The following NELL1 variants were observed in gnomAD, a reference collection of about 807,000 sequenced individuals.
NELL1 encodes the protein protein kinase C-binding protein NELL1.
In NELL1, 76 loss-of-function variants were observed where a neutral mutation model predicts 107.4. The observed-to-expected ratio is 0.71, with a 90% CI of 0.59 to 0.86. The LOEUF is 0.86. Among genes scored for constraint, NELL1 ranks in the 40% least tolerant of loss-of-function variants. The pLI, the probability that NELL1 is intolerant of heterozygous loss-of-function variation, is 0.00. For missense variants in NELL1, 1,024 were observed against 1,005.5 expected (o/e 1.02, Z -0.25); for synonymous variants, 353 against 341.2 (o/e 1.03, Z -0.38).
intron 2 of NELL1, among the ~76,000 whole-genome samples, chr11:20,700,205 G>A (rs1210798272): frequency 1.3e-5 from 2 of 152,142 alleles, no homozygotes; most frequent in Non-Finnish European, 1.5e-5. Flanking sequence ...AATAGGCTGG[G>A]TGCAGTGTCT....
At chr11:20,697,921 A>T (rs1368753055) in intron 2 of NELL1, among the ~76,000 whole-genome samples, 1 of 152,228 alleles carries the variant, frequency 6.6e-6, no homozygotes, top group African/African-American at 2.4e-5. Flanking sequence ...GTTAATGCTC[A>T]GAAAATCTGA....
chr11:21,367,040 A>G (rs1011687819), intron 14 of NELL1, among the ~76,000 whole-genome samples: 1 of 145,816 alleles, frequency 6.9e-6, no homozygotes, highest in Non-Finnish European at 1.5e-5. Flanking sequence ...TTTATTTTAC[A>G]TGCTGAGAAT....
intron 13 of NELL1, among the ~76,000 whole-genome samples, chr11:21,137,452 T>C (rs921673093): frequency 5.3e-5 from 8 of 152,188 alleles, no homozygotes; most frequent in African/African-American, 1.7e-4. Flanking sequence ...AAGAGAGTCA[T>C]TGGCAGTATT....
chr11:21,247,226 G>C (rs1284934201), intron 14 of NELL1, among the ~76,000 whole-genome samples: 1 of 151,948 alleles, frequency 6.6e-6, no homozygotes, highest in Non-Finnish European at 1.5e-5. Context: ...GTACACTTTG[G>C]CAACGCTACA....
At chr11:20,824,120 AGTGAATGTGTTC>A (rs1857820888) in intron 3 of NELL1, among the ~76,000 whole-genome samples, 1 of 151,042 alleles carries the variant, frequency 6.6e-6, no homozygotes, top group Non-Finnish European at 1.5e-5. Flanking sequence ...TTCTCATGAT[AGTGAATGTGTTC>A]TATGAGATCT....
intron 14 of NELL1, among the ~76,000 whole-genome samples, chr11:21,314,005 C>T (rs772825960): frequency 0.023 from 1,844 of 80,124 alleles, 199 homozygotes; most frequent in African/African-American, 0.075. Flanking sequence ...CCCCCCCCCC[C>T]CCCCGCGACC....
At chr11:21,192,670 T>C (rs1857072315) in intron 13 of NELL1, among the ~76,000 whole-genome samples, 3 of 151,898 alleles carry the variant, frequency 2.0e-5, no homozygotes. Context: ...GACAGATTTT[T>C]CAAATTCATG....
At chr11:21,159,436 G>C (rs1255586997) in intron 13 of NELL1, among the ~76,000 whole-genome samples, 2 of 152,194 alleles carry the variant, frequency 1.3e-5, no homozygotes, top group Non-Finnish European at 2.9e-5. Context: ...CCTTAGGAAT[G>C]ATCTTATTAG....
intron 2 of NELL1, among the ~76,000 whole-genome samples, chr11:20,753,275 A>G (rs1288699055): frequency 6.6e-6 from 1 of 152,216 alleles, no homozygotes; most frequent in African/African-American, 2.4e-5. Flanking sequence ...TTTAATGGAG[A>G]AATTTTGTAT....
chr11:20,859,240 G>A (rs571238732), intron 4 of NELL1, among the ~76,000 whole-genome samples: 29 of 152,168 alleles, frequency 1.9e-4, no homozygotes, highest in African/African-American at 6.0e-4. Context: ...GGGGTTCCAC[G>A]GACATTGGTT....
intron 3 of NELL1, among the ~76,000 whole-genome samples, chr11:20,795,894 T>A (rs1470114257): frequency 6.6e-6 from 1 of 152,218 alleles, no homozygotes. Context: ...GTTCATTTCC[T>A]GGATCTATCA....
intron 11 of NELL1, among the ~76,000 whole-genome samples, chr11:20,948,688 G>C (rs1590451607): frequency 7.1e-6 from 1 of 141,440 alleles, no homozygotes; most frequent in South Asian, 2.3e-4. Context: ...CCCAGCTCAA[G>C]TATCACTTCC....
chr11:20,709,415 C>A (rs966781447), intron 2 of NELL1, among the ~76,000 whole-genome samples: 1 of 152,046 alleles, frequency 6.6e-6, no homozygotes, highest in Non-Finnish European at 1.5e-5. Context: ...ATTTTTATAC[C>A]AGTACCATGC....
At chr11:21,432,957 T>C (rs1265606188) in intron 15 of NELL1, among the ~76,000 whole-genome samples, 2 of 152,136 alleles carry the variant, frequency 1.3e-5, no homozygotes, top group Non-Finnish European at 2.9e-5. Context: ...CTAGAAGTTA[T>C]TTCTCCCATC....
At chr11:20,812,613 ATAAT>A (rs1857523418) in intron 3 of NELL1, among the ~76,000 whole-genome samples, 1 of 152,320 alleles carries the variant, frequency 6.6e-6, no homozygotes, top group Admixed American at 6.5e-5. Flanking sequence ...AGTTGTGCAA[ATAAT>A]TAATTTAGCA....
chr11:21,334,761 A>T (rs1850350463), intron 14 of NELL1, among the ~76,000 whole-genome samples: 1 of 151,970 alleles, frequency 6.6e-6, no homozygotes, highest in South Asian at 2.1e-4. Flanking sequence ...TCGTTGAGTA[A>T]CTGCAATTGT....
In NELL1 at chr11:20,904,653, C is replaced by T. The variant is rs114524651; in HGVS notation, c.604-13529C>T. On this transcript the variant is annotated intron_variant, in intron 5 of 19. Coordinates refer to ENST00000357134, the MANE Select transcript of NELL1 (RefSeq NM_006157.5). The stretch of plus-strand genomic sequence containing the variant: ...AGAAAAGACTTGAGAACACCCAAAG[C>T]TTTCATCTTTGGCTGATCCCTAGGA... Among the ~76,000 whole-genome samples the T allele has an allele frequency of 7.8e-3, 1,191 of 152,164 alleles. 11 individuals are homozygous for T. Among genetic ancestry groups the T allele is most frequent in the African/African-American group, 0.026 (1,098 of 41,546 alleles).
chr11:21,450,918 C>T (rs541015294), intron 15 of NELL1, among the ~76,000 whole-genome samples: 7 of 151,868 alleles, frequency 4.6e-5, no homozygotes, highest in South Asian at 4.2e-4. Flanking sequence ...AGGCCGGGTG[C>T]GGTGGCTCAC....
intron 16 of NELL1, among the ~76,000 whole-genome samples, chr11:21,542,161 T>C (rs747737777): frequency 1.3e-5 from 2 of 152,052 alleles, no homozygotes; most frequent in Non-Finnish European, 2.9e-5. Context: ...ACAATGACCA[T>C]AGGAGGAAAG....
Sources: allele counts gnomAD v4.1 joint callset (sites outside exome capture counted in the v4.1 genomes callset), GRCh38; gene constraint gnomAD v4.1.1; transcripts MANE v1.5; gene names NCBI Gene and HGNC (gene_info 2026-07-23, HGNC 2026-07-21).